The following MUC17 variants were observed in gnomAD, a reference collection of about 807,000 sequenced individuals.
The protein encoded by MUC17 is mucin 17, cell surface associated.
Under a neutral mutation model 170.3 loss-of-function variants are expected in MUC17, and 190 were observed. That is an observed-to-expected ratio of 1.12 (90% CI 0.99 to 1.26). The LOEUF is 1.26. Among genes scored for constraint, MUC17 ranks in the 50% most tolerant of loss-of-function variants. MUC17 has a pLI of 0.00. For missense variants in MUC17, 6,415 were observed against 5,530.0 expected, an observed-to-expected ratio of 1.16 and a Z score of -5.08; for synonymous variants, 2,325 against 2,002.5, an observed-to-expected ratio of 1.16 and a Z score of -4.30.
At position 101,041,195 on chromosome 7, in the gene MUC17, G is replaced by T. The variant is rs141885406; in HGVS notation, c.9779G>T (p.Ser3260Ile). Reference protein sequence around the residue: ...NTPLTTSTEASSSPPTAEGTS... With the variant: ...NTPLTTSTEAISSPPTAEGTS... ...CCTTTGACCACTTCTACTGAAGCCAGTTCATCTCCTCCCACTGCTGAAGGT... is the reference window on the plus strand; with the variant it reads ...CCTTTGACCACTTCTACTGAAGCCATTTCATCTCCTCCCACTGCTGAAGGT... Residue 3260 changes from serine to isoleucine, a missense_variant, in exon 3 of 13, where the codon AGT (serine) becomes ATT (isoleucine). Physicochemically the swap from Ser to Ile is moderately radical, Grantham distance 142. Coordinates refer to ENST00000306151, the MANE Select transcript of MUC17 (RefSeq NM_001040105.2). The T allele has an allele frequency of 3.1e-4, 490 of 1,605,862 alleles. 4 individuals carry two copies. The African/African-American group carries it at 6.0e-3, about 20-fold the overall frequency.
chr7:101,032,844 T>C lies in MUC17; in HGVS notation c.1428T>C (p.Pro476=). The change falls in exon 3 of 13, where the codon CCT becomes CCC. Residue 476 remains proline (P), a synonymous_variant. Coordinates refer to ENST00000306151, the MANE Select transcript of MUC17 (RefSeq NM_001040105.2). ...SSEASNLSTT[P]VDSKTQVTTS... ...AGGCTAGCAACCTTTCAACAACTCCTGTTGACTCCAAAACTCAGGTGACCA... is the reference window on the plus strand; with the variant it reads ...AGGCTAGCAACCTTTCAACAACTCCCGTTGACTCCAAAACTCAGGTGACCA... The C allele has an allele frequency of 6.2e-7, 1 of 1,613,792 alleles. No individual in the cohort carries two copies. The highest frequency in any genetic ancestry group is 1.1e-5 in the South Asian group (1 of 91,044).
chr7:101,050,930 G>A (rs1264671484), intron 7 of MUC17, among the ~76,000 whole-genome samples: 2 of 152,094 alleles, frequency 1.3e-5, no homozygotes, highest in African/African-American at 4.8e-5. Flanking sequence ...GAACCTGCAA[G>A]GCCAGACATA....
At chr7:101,050,744 G>A in intron 7 of MUC17, 109 bp downstream of exon 7, 1 of 1,449,684 alleles carries the variant, frequency 6.9e-7, no homozygotes. Flanking sequence ...GTGGGTGCAA[G>A]AATCACTGTG....
rs752723958 is a variant in MUC17, at chr7:101,036,982, A to G, written c.5566A>G (p.Ser1856Gly). 1 of 1,584,170 alleles carries G rather than the reference A, an allele frequency of 6.3e-7. No individual in the cohort carries two copies. The highest frequency in any genetic ancestry group is 8.5e-7 in the Non-Finnish European group (1 of 1,179,068). Residue 1856 changes from serine to glycine, a missense_variant, in exon 3 of 13, where the codon AGC (serine) becomes GGC (glycine). Coordinates refer to ENST00000306151, the MANE Select transcript of MUC17 (RefSeq NM_001040105.2). ...SSSPTPAEGT[S>G]IATSTPSEGS... Reference sequence around the variant, plus strand: ...ATCTCCTACACCTGCTGAAGGTACCAGCATAGCAACCTCAACGCCTAGTGA... The same window carrying G: ...ATCTCCTACACCTGCTGAAGGTACCGGCATAGCAACCTCAACGCCTAGTGA...
rs1794321265 is a variant in MUC17, at chr7:101,032,610, GC to G, written c.1196del (p.Pro399LeufsTer26). 1 of 1,613,860 alleles carries G rather than the reference GC, an allele frequency of 6.2e-7. No individual in the cohort carries two copies. Among genetic ancestry groups the G allele is most frequent in the Non-Finnish European group, 8.5e-7 (1 of 1,179,948 alleles). ...AAGGAAGCACTCCATTAACAAATAT[GC>G]CTGTCAGCACCATATTGGTGGCCAG... ...SEGSTPLTNM[P>X]VSTILVASSE... On this transcript the variant is annotated frameshift_variant, in exon 3 of 13. Coordinates refer to ENST00000306151, the MANE Select transcript of MUC17 (RefSeq NM_001040105.2). LOFTEE classifies it high-confidence loss of function.
In MUC17 at chr7:101,035,370, T is replaced by C; in HGVS notation, c.3954T>C (p.Ser1318=). Residue 1318 remains serine (S), a synonymous_variant, in exon 3 of 13, where the codon TCT becomes TCC. Transcript: ENST00000306151. ...PVVTSNEVSS[S]PTPAEGTSMP... Reference sequence around the variant, plus strand: ...TCACTTCTAATGAAGTCAGTTCATCTCCTACACCTGCTGAAGGTACCAGCA... The same window carrying C: ...TCACTTCTAATGAAGTCAGTTCATCCCCTACACCTGCTGAAGGTACCAGCA... 1 of 1,611,108 alleles carries C rather than the reference T, an allele frequency of 6.2e-7. No homozygotes were observed. Among genetic ancestry groups the C allele is most frequent in the Non-Finnish European group, 8.5e-7 (1 of 1,178,306 alleles).
chr7:101,025,915 A>T (rs1325198724), intron 1 of MUC17, among the ~76,000 whole-genome samples: 4 of 152,002 alleles, frequency 2.6e-5, no homozygotes, highest in Non-Finnish European at 5.9e-5. Context: ...CCAAGACTGC[A>T]CTCCAGCCTG....
At chr7:101,055,031 C>T (rs1240562055) in intron 11 of MUC17, among the ~76,000 whole-genome samples, 1 of 151,974 alleles carries the variant, frequency 6.6e-6, no homozygotes, top group Non-Finnish European at 1.5e-5. Context: ...TCGCTGGAAC[C>T]TGGGAAGTGG....
chr7:101,035,736 T>TA lies in MUC17; in HGVS notation c.4320_4321insA (p.Glu1441ArgfsTer11). The TA allele has an allele frequency of 1.2e-6, 2 of 1,610,912 alleles. No homozygotes were observed. The highest frequency in any genetic ancestry group is 1.7e-6 in the Non-Finnish European group (2 of 1,178,088). ...AAGCCACTTCATCTCCTACAACTGC[T>TA]GAAGGTATCAGCATACCAACCTCAA... On this transcript the variant is annotated frameshift_variant, in exon 3 of 13. Transcript: ENST00000306151. LOFTEE classifies it high-confidence loss of function.
chr7:101,043,084 C>G lies in MUC17; in HGVS notation c.11668C>G (p.Pro3890Ala). The stretch of plus-strand genomic sequence containing the variant: ...CAGCACCACACTTCCAACTAGCTTT[C>G]CTGGGGCCAGCATAGCTTCGACACC... Reference protein sequence around the residue: ...LVSTTLPTSFPGASIASTPPL... With the variant: ...LVSTTLPTSFAGASIASTPPL... Residue 3890 changes from proline (P) to alanine (A), a missense_variant, in exon 3 of 13, where the codon CCT becomes GCT. Pro to Ala is a conservative substitution (Grantham distance 27). Coordinates refer to ENST00000306151, the MANE Select transcript of MUC17 (RefSeq NM_001040105.2). 1 of 1,614,162 alleles carries G rather than the reference C, an allele frequency of 6.2e-7. No individual in the cohort carries two copies. Among genetic ancestry groups the G allele is most frequent in the Non-Finnish European group, 8.5e-7 (1 of 1,180,024 alleles).
Position 101,038,777 on chromosome 7 carries a change from G to A in MUC17, c.7361G>A (p.Gly2454Glu), listed in dbSNP as rs532368330. 6.2e-7 allele frequency: 1 copy of A among 1,612,754 alleles called. No individual in the cohort carries two copies. Among genetic ancestry groups the A allele is most frequent in the Non-Finnish European group, 8.5e-7 (1 of 1,179,148 alleles). ...ATACCAACCTCACCTCCTAGTGAAG[G>A]AACCACTCCGTTAGCAAGTATGCCT... Reference protein sequence around the residue: ...TSIPTSPPSEGTTPLASMPVS... With the variant: ...TSIPTSPPSEETTPLASMPVS... The change falls in exon 3 of 13, where the codon GGA (glycine) becomes GAA (glutamate). Residue 2454 changes from glycine to glutamate, a missense_variant. Physicochemically the swap from Gly to Glu is moderately conservative, Grantham distance 98. Transcript: ENST00000306151.
chr7:101,038,323 C>G lies in MUC17; in HGVS notation c.6907C>G (p.Pro2303Ala). ...NSEVSTLSTTPVDSNTPFTTS... is the reference protein window; with the variant it reads ...NSEVSTLSTTAVDSNTPFTTS... ...TGAGGTTAGCACCCTTTCAACAACT[C>G]CTGTTGACTCCAACACTCCTTTCAC... Residue 2303 changes from proline to alanine, a missense_variant, in exon 3 of 13, where the codon CCT (proline) becomes GCT (alanine). Coordinates refer to ENST00000306151, the MANE Select transcript of MUC17 (RefSeq NM_001040105.2). 6.2e-7 allele frequency: 1 copy of G among 1,613,638 alleles called. No homozygotes were observed. The highest frequency in any genetic ancestry group is 8.5e-7 in the Non-Finnish European group (1 of 1,179,738).
chr7:101,024,159 G>A (rs1794141841), intron 1 of MUC17, among the ~76,000 whole-genome samples: 1 of 152,022 alleles, frequency 6.6e-6, no homozygotes, highest in Admixed American at 6.6e-5. Flanking sequence ...CCAGCCCTTT[G>A]GGAGGCTGAG....
At position 101,036,529 on chromosome 7, in the gene MUC17, T is replaced by A. The variant is rs775910681; in HGVS notation, c.5113T>A (p.Ser1705Thr). The change falls in exon 3 of 13, where the codon TCT becomes ACT. Residue 1705 changes from serine (S) to threonine (T), a missense_variant. Ser to Thr is a moderately conservative substitution (Grantham distance 58). Coordinates refer to ENST00000306151, the MANE Select transcript of MUC17 (RefSeq NM_001040105.2). Reference sequence around the variant, plus strand: ...TGTCAGAACAACACCGGTGGCCAGCTCTGCAATCAGCACCCTTTCAACAAC... The same window carrying A: ...TGTCAGAACAACACCGGTGGCCAGCACTGCAATCAGCACCCTTTCAACAAC... ...ITVRTTPVASSAISTLSTTPV... is the reference protein window; with the variant it reads ...ITVRTTPVASTAISTLSTTPV... 5.8e-5 allele frequency: 94 copies of A among 1,610,404 alleles called. No individual in the cohort carries two copies. The highest frequency in any genetic ancestry group is 7.5e-5 in the Non-Finnish European group (88 of 1,178,054).
rs752197236 is a variant in MUC17, at chr7:101,033,770, G to C, written c.2354G>C (p.Ser785Thr). The part of the protein sequence containing the change: ...STHITTSTEA[S>T]CSPTTTEGTS... The stretch of plus-strand genomic sequence containing the variant: ...CATATCACCACTTCTACTGAAGCCA[G>C]TTGCTCTCCTACAACCACTGAAGGT... The change falls in exon 3 of 13, where the codon AGT (serine) becomes ACT (threonine). Residue 785 changes from serine (S) to threonine (T), a missense_variant. By Grantham distance (58) the Ser-to-Thr change is moderately conservative. Coordinates refer to ENST00000306151, the MANE Select transcript of MUC17 (RefSeq NM_001040105.2). The C allele has an allele frequency of 2.5e-6, 4 of 1,613,734 alleles. No individual in the cohort carries two copies. In the East Asian group the frequency reaches 8.9e-5, roughly 36 times the overall value.
intron 11 of MUC17, among the ~76,000 whole-genome samples, chr7:101,054,796 G>A (rs1264750365): frequency 6.6e-6 from 1 of 152,102 alleles, no homozygotes; most frequent in Non-Finnish European, 1.5e-5. Flanking sequence ...TCCAACCTGG[G>A]CAACAGAGCA....
rs1339155364 is a variant in MUC17 at position 101,031,843 on chromosome 7, G to A, written c.427G>A (p.Glu143Lys). 1 of 1,614,186 alleles carries A rather than the reference G, an allele frequency of 6.2e-7. No homozygotes were observed. The highest frequency in any genetic ancestry group is 8.5e-7 in the Non-Finnish European group (1 of 1,180,024). The change falls in exon 3 of 13, where the codon GAA becomes AAA. Residue 143 changes from glutamate to lysine, a missense_variant. By Grantham distance (56) the Glu-to-Lys change is moderately conservative. Transcript: ENST00000306151. ...AGACACTTCATCTCCTACAACTCCT[G>A]AAGGCACCGACGTGCCCATGTCAAC... ...TEDTSSPTTP[E>K]GTDVPMSTPS...
chr7:101,056,206 T>C lies in MUC17; in HGVS notation c.13376T>C (p.Ile4459Thr). 1 of 1,613,996 alleles carries C rather than the reference T, an allele frequency of 6.2e-7. No individual in the cohort carries two copies. The highest frequency in any genetic ancestry group is 1.1e-5 in the South Asian group (1 of 91,078). Residue 4459 changes from isoleucine to threonine, a missense_variant, in exon 12 of 13, where the codon ATC becomes ACC. Physicochemically the swap from Ile to Thr is moderately conservative, Grantham distance 89. Transcript: ENST00000306151. ...ATCCCTCCACAAGATGATGATTCCATCCACCTGGAGTCCATCTATAGTAAT... is the reference window on the plus strand; with the variant it reads ...ATCCCTCCACAAGATGATGATTCCACCCACCTGGAGTCCATCTATAGTAAT... ...GFDICQDDDS[I>T]HLESIYSNFQ...
chr7:101,044,797 T>C (rs1038686505), intron 3 of MUC17, among the ~76,000 whole-genome samples: 1 of 152,252 alleles, frequency 6.6e-6, no homozygotes, highest in East Asian at 1.9e-4. Context: ...GTACGAACTT[T>C]TTTTTTGCAG....
Sources: gnomAD v4.1 joint callset for allele counts (sites outside exome capture counted in the v4.1 genomes callset) on GRCh38, gnomAD v4.1.1 for gene constraint, MANE v1.5 for transcripts, NCBI Gene and HGNC (gene_info 2026-07-23, HGNC 2026-07-21) for gene names.